Variants in MACROD2 observed in about 807,000 individuals in gnomAD.
MACROD2 encodes mono-ADP ribosylhydrolase 2.
Under a neutral mutation model 70.4 loss-of-function variants are expected in MACROD2, and 36 were observed. The ratio of observed to expected loss-of-function variants is 0.51; its 90% CI spans 0.39 to 0.68. The LOEUF (loss-of-function observed/expected upper bound fraction) is 0.68. Among genes scored for constraint, MACROD2 ranks in the 30% least tolerant of loss-of-function variants. The probability of loss-of-function intolerance (pLI) is 0.00; values close to 1 mark genes in which losing one functional copy is unlikely to be tolerated. For synonymous variants in MACROD2, 172 were observed against 178.8 expected, an observed-to-expected ratio of 0.96 and a Z score of 0.30; for missense variants, 496 against 538.4, an observed-to-expected ratio of 0.92 and a Z score of 0.78.
intron 3 of MACROD2, among the ~76,000 whole-genome samples, chr20:14,290,225 G>C (rs1214196901): frequency 6.6e-6 from 1 of 152,174 alleles, no homozygotes; most frequent in Non-Finnish European, 1.5e-5. Context: ...GTGACGTGCA[G>C]TTTACCTATA....
At chr20:15,203,901 T>G (rs561331313) in intron 5 of MACROD2, among the ~76,000 whole-genome samples, 1 of 152,208 alleles carries the variant, frequency 6.6e-6, no homozygotes, top group African/African-American at 2.4e-5. Flanking sequence ...TAGTAATGAA[T>G]AGATATTCAT....
At chr20:15,759,318 AT>A (rs538683932) in intron 8 of MACROD2, among the ~76,000 whole-genome samples, 2 of 152,108 alleles carry the variant, frequency 1.3e-5, no homozygotes, top group Non-Finnish European at 1.5e-5. Context: ...AGTACTTATG[AT>A]TTTATATATT....
chr20:14,178,025 T>A (rs954957602), intron 3 of MACROD2, among the ~76,000 whole-genome samples: 17 of 152,218 alleles, frequency 1.1e-4, no homozygotes, highest in Middle Eastern at 6.8e-3. Flanking sequence ...ATTAAAAAAA[T>A]TTTATGCTCA....
At chr20:14,990,084 A>G (rs2074887936) in intron 5 of MACROD2, among the ~76,000 whole-genome samples, 1 of 152,062 alleles carries the variant, frequency 6.6e-6, no homozygotes, top group Non-Finnish European at 1.5e-5. Flanking sequence ...GTAGGCAGTT[A>G]CACTGGTCAT....
intron 5 of MACROD2, among the ~76,000 whole-genome samples, chr20:14,690,019 T>C (rs542468681): frequency 6.6e-6 from 1 of 152,154 alleles, no homozygotes; most frequent in South Asian, 2.1e-4. Context: ...TATTTTAACA[T>C]ATATATACTA....
At position 14,249,681 on chromosome 20, in the gene MACROD2, G is replaced by A. The variant is rs1320271320; in HGVS notation, c.271+163953G>A. 2.0e-5 allele frequency among the ~76,000 whole-genome samples: 3 copies of A among 152,086 alleles called. No individual in the cohort carries two copies. In the East Asian group the frequency reaches 5.8e-4, roughly 29 times the overall value. ...CATATTGAGTTTGTTTTCATAGCAA[G>A]ATTTATTGTTATCAAGTTCTATCGT... On this transcript the variant is annotated intron_variant, in intron 3 of 17. Coordinates refer to ENST00000684519, the MANE Select transcript of MACROD2 (RefSeq NM_001351661.2).
intron 3 of MACROD2, among the ~76,000 whole-genome samples, chr20:14,378,649 C>T (rs2083394985): frequency 6.6e-6 from 1 of 152,172 alleles, no homozygotes. Context: ...TTGTTAAGCA[C>T]ATATCTGACA....
chr20:15,538,752 A>G (rs2047912120), intron 8 of MACROD2, among the ~76,000 whole-genome samples: 1 of 152,204 alleles, frequency 6.6e-6, no homozygotes, highest in Non-Finnish European at 1.5e-5. Context: ...ATTTTTTTGT[A>G]AAGAAATGCT....
chr20:15,669,293 C>A (rs898869733), intron 8 of MACROD2, among the ~76,000 whole-genome samples: 6 of 152,154 alleles, frequency 3.9e-5, no homozygotes, highest in African/African-American at 1.4e-4. Context: ...CTTATTCCAG[C>A]CTCAGTAAGC....
chr20:14,120,152 G>C (rs1005525125), intron 3 of MACROD2, among the ~76,000 whole-genome samples: 1 of 140,524 alleles, frequency 7.1e-6, no homozygotes, highest in Non-Finnish European at 1.5e-5. Flanking sequence ...GGCAAAGGTT[G>C]CAGTGAGCTG....
At chr20:14,880,811 A>G (rs909508324) in intron 5 of MACROD2, among the ~76,000 whole-genome samples, 3 of 152,154 alleles carry the variant, frequency 2.0e-5, no homozygotes, top group African/African-American at 7.2e-5. Flanking sequence ...TTTGTATATG[A>G]TTTTGGGCCT....
intron 8 of MACROD2, among the ~76,000 whole-genome samples, chr20:15,772,841 T>C (rs1182209556): frequency 6.6e-6 from 1 of 152,110 alleles, no homozygotes. Flanking sequence ...TCTATTGCAG[T>C]ACAAAATAAA....
At chr20:15,935,438 G>A (rs6080028) in intron 11 of MACROD2, among the ~76,000 whole-genome samples, 1 of 152,212 alleles carries the variant, frequency 6.6e-6, no homozygotes, top group Non-Finnish European at 1.5e-5. Context: ...TCAGAGCTCA[G>A]AGAAATCGAA....
chr20:14,356,417 A>G (rs538764066), intron 3 of MACROD2, among the ~76,000 whole-genome samples: 1 of 152,190 alleles, frequency 6.6e-6, no homozygotes, highest in African/African-American at 2.4e-5. Context: ...TTTAGTCCAT[A>G]AATCTCAATA....
intron 3 of MACROD2, among the ~76,000 whole-genome samples, chr20:14,265,301 A>G (rs2082134834): frequency 6.6e-6 from 1 of 152,172 alleles, no homozygotes; most frequent in African/African-American, 2.4e-5. Context: ...TAAGGGTTGT[A>G]TGATGGACTT....
Position 15,763,240 on chromosome 20 carries a change from T to C in MACROD2, c.646-99505T>C, listed in dbSNP as rs191945795. On this transcript the variant is annotated intron_variant, in intron 8 of 17. Transcript: ENST00000684519. The stretch of plus-strand genomic sequence containing the variant: ...CTGAAGGGCAGTGACAGTTCAGTGC[T>C]CCTCTGTCGAGCCCATCCTGATTGC... 2.9e-3 allele frequency among the ~76,000 whole-genome samples: 442 copies of C among 152,290 alleles called. 2 individuals are homozygous for C. The highest frequency in any genetic ancestry group is 0.01 in the African/African-American group (424 of 41,566).
chr20:14,215,526 C>T (rs568851121), intron 3 of MACROD2, among the ~76,000 whole-genome samples: 1 of 152,240 alleles, frequency 6.6e-6, no homozygotes, highest in Admixed American at 6.5e-5. Context: ...GGTACCCCCC[C>T]AGTAATGGGA....
At chr20:15,270,116 A>AT (rs1172544189) in intron 6 of MACROD2, among the ~76,000 whole-genome samples, 1 of 150,514 alleles carries the variant, frequency 6.6e-6, no homozygotes, top group Non-Finnish European at 1.5e-5. Flanking sequence ...TCCTGAAGTT[A>AT]ATAAAGCTCC....
intron 3 of MACROD2, among the ~76,000 whole-genome samples, chr20:14,171,709 G>T (rs1487802977): frequency 1.3e-5 from 2 of 152,124 alleles, no homozygotes; most frequent in Non-Finnish European, 2.9e-5. Flanking sequence ...GAGAGTTCTT[G>T]ATATAATTTC....
Sources: gnomAD v4.1 joint callset for allele counts (sites outside exome capture counted in the v4.1 genomes callset) on GRCh38, gnomAD v4.1.1 for gene constraint, MANE v1.5 for transcripts, NCBI Gene and HGNC (gene_info 2026-07-23, HGNC 2026-07-21) for gene names.